The following USP32 variants were observed in gnomAD, a reference collection of about 807,000 sequenced individuals.
The protein encoded by USP32 is ubiquitin carboxyl-terminal hydrolase 32.
A neutral mutation model predicts 204.8 loss-of-function variants in USP32; 59 were observed. That is an observed-to-expected ratio of 0.29 (90% CI 0.23 to 0.36). USP32 has a LOEUF of 0.36. Among genes scored for constraint, USP32 ranks in the 10% least tolerant of loss-of-function variants. USP32 has a pLI of 1.00. For missense variants in USP32, 1,160 were observed against 1,946.4 expected (o/e 0.60, Z 7.60); for synonymous variants, 517 against 678.4 (o/e 0.76, Z 3.70).
At chr17:60,319,771 C>A (rs867997559) in intron 2 of USP32, among the ~76,000 whole-genome samples, 7 of 152,052 alleles carry the variant, frequency 4.6e-5, no homozygotes, top group African/African-American at 1.7e-4. Flanking sequence ...CAGAGTGAGA[C>A]CCCATCTCAA....
Position 60,205,611 on chromosome 17 carries a change from T to C in USP32, c.3085A>G (p.Asn1029Asp). 6.2e-7 allele frequency: 1 copy of C among 1,613,968 alleles called. No individual in the cohort carries two copies. The highest frequency in any genetic ancestry group is 8.5e-7 in the Non-Finnish European group (1 of 1,179,864). Residue 1029 changes from asparagine to aspartate, a missense_variant, in exon 26 of 34, where the codon AAT becomes GAT. Around this residue, in one of 8 missense-constraint regions of USP32, gnomAD observed 47 missense variants for 71.1 expected, o/e 0.66. Transcript: ENST00000300896. Reference sequence around the variant, plus strand: ...AATATTGGTCGGGGTAGGTCCCCATTGGTAGTTAGGGTGAACATTTCATTT... The same window carrying C: ...AATATTGGTCGGGGTAGGTCCCCATCGGTAGTTAGGGTGAACATTTCATTT... ...STNEMFTLTT[N>D]GDLPRPIFIP...
chr17:60,258,926 A>G (rs1046277203), intron 9 of USP32, among the ~76,000 whole-genome samples: 31 of 152,232 alleles, frequency 2.0e-4, no homozygotes, highest in African/African-American at 7.5e-4. Context: ...ACATGGGAAA[A>G]AACCCTATAT....
intron 1 of USP32, among the ~76,000 whole-genome samples, chr17:60,382,535 A>G (rs941069506): frequency 1.3e-5 from 2 of 152,222 alleles, no homozygotes; most frequent in African/African-American, 4.8e-5. Flanking sequence ...AGCATTAGCC[A>G]TGGAATATAA....
intron 2 of USP32, among the ~76,000 whole-genome samples, chr17:60,332,418 C>T (rs1474153673): frequency 2.6e-5 from 4 of 151,494 alleles, no homozygotes; most frequent in Non-Finnish European, 4.4e-5. Context: ...GAGGCTGAGG[C>T]GGGTGGATCA....
At chr17:60,280,787 A>C (rs544808635) in intron 5 of USP32, among the ~76,000 whole-genome samples, 18 of 152,350 alleles carry the variant, frequency 1.2e-4, no homozygotes, top group Non-Finnish European at 2.2e-4. Context: ...TTTGAGTAGA[A>C]GAGCCTGCAA....
chr17:60,240,838 C>T (rs544277011), intron 11 of USP32, among the ~76,000 whole-genome samples: 1 of 152,238 alleles, frequency 6.6e-6, no homozygotes, highest in African/African-American at 2.4e-5. Flanking sequence ...ATATTTTACC[C>T]CAGGTGACTG....
At chr17:60,291,748 G>GT (rs1484634248) in intron 4 of USP32, among the ~76,000 whole-genome samples, 2 of 152,036 alleles carry the variant, frequency 1.3e-5, no homozygotes, top group African/African-American at 2.4e-5. Flanking sequence ...TACAATGTTG[G>GT]TTTTATACCA....
At chr17:60,292,384 A>G (rs949828602) in intron 4 of USP32, among the ~76,000 whole-genome samples, 7 of 152,166 alleles carry the variant, frequency 4.6e-5, no homozygotes, top group Admixed American at 3.9e-4. Flanking sequence ...CACATCTGAC[A>G]ACTCCACTTG....
At chr17:60,222,649 C>T (rs1039933041) in intron 14 of USP32, 100 bp from the exon 15 acceptor site, 2 of 1,131,758 alleles carry the variant, frequency 1.8e-6, no homozygotes, top group Non-Finnish European at 2.5e-6. Context: ...TATATCACCA[C>T]CCAGTTTCAT....
chr17:60,284,059 CTGAT>C (rs1231974233), intron 5 of USP32, among the ~76,000 whole-genome samples: 2 of 152,006 alleles, frequency 1.3e-5, no homozygotes, highest in Non-Finnish European at 2.9e-5. Flanking sequence ...TTGAAGAAAA[CTGAT>C]TGGTCAACAG....
chr17:60,421,707 C>T, intron 1 of USP32: 4 of 801,672 alleles, frequency 5.0e-6, no homozygotes, highest in Non-Finnish European at 6.0e-6. Context: ...CACCTCCCGG[C>T]CCTGCCCGGC....
At chr17:60,347,132 G>C (rs1322678251) in intron 1 of USP32, among the ~76,000 whole-genome samples, 1 of 152,158 alleles carries the variant, frequency 6.6e-6, no homozygotes. Flanking sequence ...GAAATATCCA[G>C]AGGGTCAGTA....
chr17:60,362,137 C>T (rs202114126), intron 1 of USP32, among the ~76,000 whole-genome samples: 1 of 152,090 alleles, frequency 6.6e-6, no homozygotes, highest in East Asian at 1.9e-4. Context: ...CATCAGGTTG[C>T]CCCATCTGCC....
chr17:60,208,706 A>G lies in USP32; in HGVS notation c.2721T>C (p.Asn907=), dbSNP rs148458839. 654 of 1,595,802 alleles carry G rather than the reference A, an allele frequency of 4.1e-4. 5 individuals carry two copies. The African/African-American group carries it at 7.6e-3, about 18-fold the overall frequency. ...GHISVRFDPF[N]FLSLPLPMDS... ...CCATTGGTAGTGGCAAAGACAAAAA[A>G]TTGAAAGGGTCAAATCGGACACTTA... The change falls in exon 23 of 34, where the codon AAT becomes AAC. Residue 907 remains asparagine, a synonymous_variant. Transcript: ENST00000300896.
At chr17:60,312,760 A>C (rs570717483) in intron 2 of USP32, among the ~76,000 whole-genome samples, 12 of 152,212 alleles carry the variant, frequency 7.9e-5, no homozygotes, top group Non-Finnish European at 1.6e-4. Context: ...ACCAACCTAC[A>C]TGCTTAAAAG....
intron 1 of USP32, among the ~76,000 whole-genome samples, chr17:60,409,523 T>C (rs2090003257): frequency 6.6e-6 from 1 of 152,202 alleles, no homozygotes; most frequent in Non-Finnish European, 1.5e-5. Flanking sequence ...ATGCATTAGT[T>C]TTCTATTGCA....
chr17:60,295,756 AC>A (rs149003273), intron 3 of USP32, among the ~76,000 whole-genome samples: 5,343 of 152,048 alleles, frequency 0.035, 111 homozygotes, highest in Non-Finnish European at 0.053. Flanking sequence ...TTATAATATT[AC>A]TATTTTATTA....
intron 10 of USP32, 40 bp from the exon 11 acceptor site, chr17:60,252,482 T>C (rs1160268952): frequency 6.7e-7 from 1 of 1,499,734 alleles, no homozygotes; most frequent in Non-Finnish European, 9.2e-7. Flanking sequence ...ATTAACTGCA[T>C]AATATTTCAC....
chr17:60,225,918 C>T (rs754059383), intron 13 of USP32, 121 bp downstream of exon 13: 64 of 1,090,016 alleles, frequency 5.9e-5, no homozygotes, highest in Middle Eastern at 3.1e-4. Context: ...CGCGCCACTG[C>T]GCTCCAGCCT....
Sources: allele counts gnomAD v4.1 joint callset (sites outside exome capture counted in the v4.1 genomes callset), GRCh38; gene constraint gnomAD v4.1.1; regional missense constraint gnomAD v4.1.1; transcripts MANE v1.5; gene names NCBI Gene and HGNC (gene_info 2026-07-23, HGNC 2026-07-21).